The following VPS45 variants were observed in gnomAD, a reference collection of about 807,000 sequenced individuals.
The protein encoded by VPS45 is vacuolar protein sorting-associated protein 45.
A neutral mutation model predicts 75.9 loss-of-function variants in VPS45; 35 were observed. That is an observed-to-expected ratio of 0.46 (90% confidence interval 0.35 to 0.61). The LOEUF (loss-of-function observed/expected upper bound fraction) is 0.61. Among genes scored for constraint, VPS45 ranks in the 20% least tolerant of loss-of-function variants. The pLI is 0.00. For missense variants in VPS45, 559 were observed against 685.9 expected, an observed-to-expected ratio of 0.81 and a Z score of 2.07; for synonymous variants, 220 against 238.2, an observed-to-expected ratio of 0.92 and a Z score of 0.70.
chr1:150,115,037 A>G (rs1015599083), intron 14 of VPS45, among the ~76,000 whole-genome samples: 11 of 152,326 alleles, frequency 7.2e-5, no homozygotes, highest in African/African-American at 2.6e-4. Context: ...TAAGACAACA[A>G]TGGAATGCTG....
intron 13 of VPS45, among the ~76,000 whole-genome samples, chr1:150,096,547 C>A (rs1656667165): frequency 6.6e-6 from 1 of 151,962 alleles, no homozygotes; most frequent in Admixed American, 6.6e-5. Flanking sequence ...GATGAGTAAT[C>A]CACAGTGATG....
chr1:150,118,397 C>T (rs1658055909), intron 14 of VPS45, among the ~76,000 whole-genome samples: 1 of 151,338 alleles, frequency 6.6e-6, no homozygotes, highest in Non-Finnish European at 1.5e-5. Context: ...TGTTCAAGTT[C>T]CTGACAAATG....
At chr1:150,077,598 A>G in intron 6 of VPS45, 71 bp from the exon 7 acceptor site, 1 of 1,063,550 alleles carries the variant, frequency 9.4e-7, no homozygotes. Flanking sequence ...AGTGTTTATT[A>G]ATTTCCTATT....
chr1:150,131,561 A>T (rs1559943381), intron 14 of VPS45, among the ~76,000 whole-genome samples: 1 of 151,912 alleles, frequency 6.6e-6, no homozygotes, highest in Non-Finnish European at 1.5e-5. Context: ...TCAGCTAGGC[A>T]CAGTGGCACA....
rs1659605701 is a variant in VPS45, at chr1:150,145,080, A to G, written c.*284A>G. 2 of 724,770 alleles carry G rather than the reference A, an allele frequency of 2.8e-6. No homozygotes were observed. Among genetic ancestry groups the G allele is most frequent in the African/African-American group, 1.8e-5 (1 of 56,286 alleles). 44.9% of individuals were successfully genotyped at this position (724,770 alleles called of 1,614,324 possible). Reference sequence around the variant, plus strand: ...ATTTTGTTGGGATCTGACTTGGGGAAAGGGTTATCAGAGCCTAGAGGGGCT... The same window carrying G: ...ATTTTGTTGGGATCTGACTTGGGGAGAGGGTTATCAGAGCCTAGAGGGGCT... On this transcript the variant is annotated 3_prime_UTR_variant, in exon 15 of 15. Transcript: ENST00000644510.
chr1:150,129,235 A>G (rs1354721293), intron 14 of VPS45, among the ~76,000 whole-genome samples: 11 of 152,294 alleles, frequency 7.2e-5, no homozygotes, highest in Middle Eastern at 3.4e-3. Flanking sequence ...ATATAAATGA[A>G]CAACTCTAAT....
chr1:150,134,456 G>A (rs1193218582), intron 14 of VPS45, among the ~76,000 whole-genome samples: 1 of 152,056 alleles, frequency 6.6e-6, no homozygotes, highest in Non-Finnish European at 1.5e-5. Flanking sequence ...CTAACCCAAG[G>A]ACTAGAAAAT....
intron 1 of VPS45, 176 bp downstream of exon 1, chr1:150,068,126 C>T (rs1654828703): frequency 3.3e-6 from 2 of 613,164 alleles, no homozygotes; most frequent in East Asian, 5.7e-5. Flanking sequence ...GTCTACATGG[C>T]TCCAGCCACT....
chr1:150,124,083 A>G (rs1553810159), intron 14 of VPS45, among the ~76,000 whole-genome samples: 3 of 152,162 alleles, frequency 2.0e-5, no homozygotes. Flanking sequence ...TATTTTCCCC[A>G]TAAGTAGCAA....
At chr1:150,068,101 C>A (rs1174684356) in intron 1 of VPS45, 151 bp downstream of exon 1, 1 of 771,088 alleles carries the variant, frequency 1.3e-6, no homozygotes, top group Non-Finnish European at 2.1e-6. Flanking sequence ...ATAAAGCTTG[C>A]CCGGTGGGTT....
intron 14 of VPS45, among the ~76,000 whole-genome samples, chr1:150,131,737 T>G (rs1381924271): frequency 6.6e-6 from 1 of 151,250 alleles, no homozygotes; most frequent in Non-Finnish European, 1.5e-5. Flanking sequence ...TCCCAGCTAC[T>G]TGGGAGACTC....
At chr1:150,071,993 TATTTA>T (rs138916744) in intron 2 of VPS45, among the ~76,000 whole-genome samples, 168 bp from the exon 3 acceptor site, 2,146 of 152,212 alleles carry the variant, frequency 0.014, 49 homozygotes, top group African/African-American at 0.046. Context: ...CCGATCATTG[TATTTA>T]ATTTATCTCT....
intron 14 of VPS45, chr1:150,142,855 G>A (rs1305853668): frequency 2.2e-6 from 1 of 451,294 alleles, no homozygotes; most frequent in Non-Finnish European, 4.4e-6. Flanking sequence ...GTTTCACTAT[G>A]TTCCCCTGCC....
chr1:150,121,024 C>G, intron 14 of VPS45, among the ~76,000 whole-genome samples: 1 of 151,886 alleles, frequency 6.6e-6, no homozygotes, highest in East Asian at 1.9e-4. Flanking sequence ...CCCGCCACCG[C>G]GCCCGGCTAA....
At chr1:150,075,392 G>T (rs889413021) in intron 3 of VPS45, among the ~76,000 whole-genome samples, 7 of 152,028 alleles carry the variant, frequency 4.6e-5, no homozygotes, top group Admixed American at 3.3e-4. Context: ...TCTAGTTCCT[G>T]TAAATTCATA....
At chr1:150,086,071 A>G (rs186648286) in intron 10 of VPS45, among the ~76,000 whole-genome samples, 28 of 152,172 alleles carry the variant, frequency 1.8e-4, no homozygotes, top group Admixed American at 3.3e-4. Context: ...CTGACCTTTC[A>G]TAAAGATCTC....
chr1:150,144,681 C>T, intron 14 of VPS45, 28 bp from the exon 15 acceptor site: 3 of 1,579,786 alleles, frequency 1.9e-6, no homozygotes, highest in South Asian at 1.1e-5. Context: ...TTGTTTTTTC[C>T]TTCAAGTAAC....
At chr1:150,122,334 G>A (rs1413858525) in intron 14 of VPS45, among the ~76,000 whole-genome samples, 1 of 151,982 alleles carries the variant, frequency 6.6e-6, no homozygotes, top group Non-Finnish European at 1.5e-5. Context: ...CTTAAAGGAG[G>A]TGGGGGGAGT....
intron 14 of VPS45, among the ~76,000 whole-genome samples, chr1:150,126,808 A>C (rs1553810887): frequency 6.6e-6 from 1 of 152,126 alleles, no homozygotes; most frequent in Non-Finnish European, 1.5e-5. Flanking sequence ...TCCACAAAAA[A>C]CGTTAAAATT....
Sources: allele counts gnomAD v4.1 joint callset (sites outside exome capture counted in the v4.1 genomes callset), GRCh38; gene constraint gnomAD v4.1.1; transcripts MANE v1.5; gene names NCBI Gene and HGNC (gene_info 2026-07-23, HGNC 2026-07-21).